The following LRRC37A2 variants were observed in gnomAD, a reference collection of about 807,000 sequenced individuals.
LRRC37A2 encodes leucine-rich repeat-containing protein 37A2.
Under a neutral mutation model 68.8 loss-of-function variants are expected in LRRC37A2, and 9 were observed. That is an observed-to-expected ratio of 0.13 (90% CI 0.08 to 0.23). The LOEUF is 0.23. LRRC37A2 is among the 10% of genes least tolerant of loss of function. LRRC37A2 has a pLI of 1.00. For missense variants in LRRC37A2, 168 were observed against 950.4 expected (o/e 0.18, Z 10.82); for synonymous variants, 63 against 367.6 (o/e 0.17, Z 9.48).
the LRRC37A2 span, among the ~76,000 whole-genome samples, chr17:46,980,010 T>G: frequency 6.6e-6 from 1 of 152,126 alleles, no homozygotes; most frequent in Non-Finnish European, 1.5e-5. Context: ...CTTTCCTCAC[T>G]TAACAGCGTA....
chr17:46,513,431 A>G, exon 2 of LRRC37A2: 1 of 240,252 alleles, frequency 4.2e-6, no homozygotes, highest in Admixed American at 7.2e-5. Context: ...TCACTCCAGC[A>G]AGAAGCCCCA....
chr17:46,934,676 A>G, the LRRC37A2 span, among the ~76,000 whole-genome samples: 1 of 152,266 alleles, frequency 6.6e-6, no homozygotes, highest in Non-Finnish European at 1.5e-5. Flanking sequence ...ATTTGGAACC[A>G]GCTAGGTTAG....
chr17:46,938,892 G>T, the LRRC37A2 span: 1 of 1,543,904 alleles, frequency 6.5e-7, no homozygotes, highest in Non-Finnish European at 8.7e-7. Context: ...ACTTGGGAGT[G>T]ATTGTGGTCT....
At chr17:46,785,430 C>T in the LRRC37A2 span, among the ~76,000 whole-genome samples, 2 of 152,198 alleles carry the variant, frequency 1.3e-5, no homozygotes, top group Admixed American at 6.5e-5. Context: ...AGGAGAAAAA[C>T]CCATGCACAC....
At chr17:46,779,694 T>C in the LRRC37A2 span, among the ~76,000 whole-genome samples, 3 of 152,230 alleles carry the variant, frequency 2.0e-5, no homozygotes, top group Non-Finnish European at 1.5e-5. Flanking sequence ...GCCTCTACCC[T>C]GATAACGCCT....
the LRRC37A2 span, among the ~76,000 whole-genome samples, chr17:46,712,607 G>A: frequency 4.6e-5 from 7 of 152,206 alleles, no homozygotes; most frequent in Admixed American, 2.6e-4. Flanking sequence ...TGAGCAGCCT[G>A]TTGGATATGT....
chr17:46,935,809 A>G, the LRRC37A2 span: 5 of 986,230 alleles, frequency 5.1e-6, no homozygotes, highest in Middle Eastern at 5.2e-4. Flanking sequence ...AACATTACAC[A>G]GACTCTGATG....
the LRRC37A2 span, among the ~76,000 whole-genome samples, chr17:46,873,004 C>A: frequency 2.6e-5 from 4 of 151,530 alleles, no homozygotes; most frequent in African/African-American, 9.7e-5. Flanking sequence ...CAAGGAAGAT[C>A]CAAGAGAGGA....
the LRRC37A2 span, among the ~76,000 whole-genome samples, chr17:46,884,520 C>G: frequency 6.6e-6 from 1 of 152,206 alleles, no homozygotes; most frequent in Non-Finnish European, 1.5e-5. Flanking sequence ...GCTTTCCTTT[C>G]CAGCCTGATG....
the LRRC37A2 span, among the ~76,000 whole-genome samples, chr17:46,610,041 C>CTCTTTCTT: frequency 1.7e-3 from 202 of 118,728 alleles, 14 homozygotes; most frequent in Middle Eastern, 9.7e-3. Flanking sequence ...CTCTCTCTCT[C>CTCTTTCTT]TCTTTCTTTC....
chr17:46,638,975 G>A, the LRRC37A2 span, among the ~76,000 whole-genome samples: 1 of 22,470 alleles, frequency 4.5e-5, no homozygotes, highest in Non-Finnish European at 7.4e-5. Context: ...AAATAGATAT[G>A]ATCCCTGCTG....
At chr17:46,869,770 G>A in the LRRC37A2 span, among the ~76,000 whole-genome samples, 1 of 152,056 alleles carries the variant, frequency 6.6e-6, no homozygotes, top group Non-Finnish European at 1.5e-5. Flanking sequence ...AGGCTGAGGC[G>A]GGCAGGTCAC....
At chr17:46,801,151 C>A in the LRRC37A2 span, among the ~76,000 whole-genome samples, 1 of 152,188 alleles carries the variant, frequency 6.6e-6, no homozygotes, top group African/African-American at 2.4e-5. Context: ...GTGAAGTCCA[C>A]CCAGATAAAA....
chr17:46,873,792 C>A, the LRRC37A2 span, among the ~76,000 whole-genome samples: 2 of 150,932 alleles, frequency 1.3e-5, no homozygotes. Flanking sequence ...GAGTTTGTAA[C>A]CAGCGTGGTC....
chr17:46,876,333 C>T, the LRRC37A2 span: 23 of 1,614,056 alleles, frequency 1.4e-5, no homozygotes, highest in East Asian at 2.2e-5. Context: ...CAGCTCTCCC[C>T]GTTCCGTGAG....
the LRRC37A2 span, among the ~76,000 whole-genome samples, chr17:46,757,705 A>G: frequency 1.8e-5 from 2 of 108,812 alleles, no homozygotes; most frequent in Non-Finnish European, 3.2e-5. Context: ...TTATCTTACT[A>G]AAAAAAAAAA....
At chr17:46,810,200 G>A in the LRRC37A2 span, among the ~76,000 whole-genome samples, 1 of 151,824 alleles carries the variant, frequency 6.6e-6, no homozygotes, top group African/African-American at 2.4e-5. Flanking sequence ...TAGAGACAGG[G>A]TTTCACCATG....
At chr17:46,921,233 T>G in the LRRC37A2 span, 1 of 152,376 alleles carries the variant, frequency 6.6e-6, no homozygotes, top group South Asian at 2.1e-4. Context: ...CTTCGTGGGA[T>G]CTAACCATCG....
At chr17:46,987,496 T>G in the LRRC37A2 span, among the ~76,000 whole-genome samples, 3 of 152,138 alleles carry the variant, frequency 2.0e-5, no homozygotes, top group South Asian at 6.2e-4. Context: ...TTATATTTTT[T>G]GAAAAAGAAA....
Sources: gnomAD v4.1 joint callset for allele counts (sites outside exome capture counted in the v4.1 genomes callset) on GRCh38, gnomAD v4.1.1 for gene constraint, MANE v1.5 for transcripts, NCBI Gene and HGNC (gene_info 2026-07-23, HGNC 2026-07-21) for gene names.